The following CBFA2T2 variants were observed in gnomAD, a reference collection of about 807,000 sequenced individuals.
CBFA2T2 encodes CBFA2/RUNX1 partner transcriptional co-repressor 2, also known as protein CBFA2T2.
A neutral mutation model predicts 62.2 loss-of-function variants in CBFA2T2; 11 were observed. That is an observed-to-expected ratio of 0.18 (90% CI 0.11 to 0.29). The LOEUF is 0.29. Among genes scored for constraint, CBFA2T2 ranks in the 10% least tolerant of loss-of-function variants. CBFA2T2 has a pLI of 1.00. For synonymous variants in CBFA2T2, 295 were observed against 287.5 expected (o/e 1.03, Z -0.27); for missense variants, 592 against 774.1 (o/e 0.76, Z 2.79).
intron 1 of CBFA2T2, among the ~76,000 whole-genome samples, chr20:33,604,991 G>A (rs2122282442): frequency 6.6e-6 from 1 of 152,332 alleles, no homozygotes; most frequent in Admixed American, 6.5e-5. Flanking sequence ...AAAATGTCCT[G>A]AACAGAGAAA....
intron 1 of CBFA2T2, among the ~76,000 whole-genome samples, chr20:33,567,818 A>G (rs1000788508): frequency 2.0e-5 from 3 of 152,146 alleles, no homozygotes; most frequent in African/African-American, 7.2e-5. Flanking sequence ...GCCTGACCTC[A>G]GGTGATCTAC....
intron 10 of CBFA2T2, among the ~76,000 whole-genome samples, chr20:33,641,016 T>C (rs2016814790): frequency 1.3e-5 from 2 of 151,562 alleles, no homozygotes; most frequent in Non-Finnish European, 2.9e-5. Context: ...AGTAAGAAAG[T>C]GCAGGGTCCT....
chr20:33,521,118 A>T (rs551012191), intron 1 of CBFA2T2, among the ~76,000 whole-genome samples: 16 of 151,450 alleles, frequency 1.1e-4, no homozygotes, highest in Non-Finnish European at 1.6e-4. Context: ...GGGGGAGAAG[A>T]AAACATTTCT....
intron 1 of CBFA2T2, among the ~76,000 whole-genome samples, chr20:33,531,446 T>C (rs2012059685): frequency 6.6e-6 from 1 of 152,146 alleles, no homozygotes; most frequent in South Asian, 2.1e-4. Flanking sequence ...TGAAATGCAT[T>C]TTTGTTGGAT....
intron 1 of CBFA2T2, among the ~76,000 whole-genome samples, chr20:33,514,219 T>TG (rs1410935253): frequency 3.0e-5 from 4 of 131,462 alleles, no homozygotes; most frequent in African/African-American, 1.1e-4. Flanking sequence ...TTTTTTTTTT[T>TG]TTTTTTTTTT....
chr20:33,642,108 TTTTTTTTTTGTGTGTGTGTGTGTG>T lies in CBFA2T2; in HGVS notation c.1488+1579_1488+1602del, dbSNP rs1439398436. 3.4e-3 allele frequency among the ~76,000 whole-genome samples: 188 copies of T among 55,386 alleles called. 2 individuals carry two copies. Among genetic ancestry groups the T allele is most frequent in the African/African-American group, 7.5e-3 (155 of 20,570 alleles). 36.3% of individuals were successfully genotyped at this position (55,386 alleles called of 152,430 possible). ...TCGTTCTCTCCTCCTCCTTTGTCTTTTTTTTTTTTGTGTGTGTGTGTGTGTGTGTGTGTGTGTGTGTGTGTGTGT... is the reference window on the plus strand; with the variant it reads ...TCGTTCTCTCCTCCTCCTTTGTCTTTTGTGTGTGTGTGTGTGTGTGTGTGT... On this transcript the variant is annotated intron_variant, in intron 10 of 10. Coordinates refer to ENST00000342704, the MANE Select transcript of CBFA2T2 (RefSeq NM_001032999.3).
chr20:33,524,160 A>T (rs957871206), intron 1 of CBFA2T2, among the ~76,000 whole-genome samples: 1 of 152,038 alleles, frequency 6.6e-6, no homozygotes, highest in Non-Finnish European at 1.5e-5. Context: ...TATTAAAAGA[A>T]TTACCTTAAC....
chr20:33,531,691 G>A (rs934205311), intron 1 of CBFA2T2, among the ~76,000 whole-genome samples: 3 of 152,302 alleles, frequency 2.0e-5, no homozygotes, highest in East Asian at 1.9e-4. Flanking sequence ...CTGGGTGGGC[G>A]AGCTAAACTA....
intron 10 of CBFA2T2, among the ~76,000 whole-genome samples, chr20:33,642,095 C>T (rs1339547322): frequency 4.0e-5 from 6 of 148,294 alleles, no homozygotes; most frequent in Admixed American, 6.8e-5. Flanking sequence ...GTTCTCTCCT[C>T]CTCCTTTGTC....
chr20:33,519,465 GT>G (rs1435930766), intron 1 of CBFA2T2, among the ~76,000 whole-genome samples: 1 of 152,256 alleles, frequency 6.6e-6, no homozygotes, highest in African/African-American at 2.4e-5. Context: ...GCGAGACTCT[GT>G]CTCAGAAAAT....
chr20:33,555,465 A>G (rs2012870765), intron 1 of CBFA2T2, among the ~76,000 whole-genome samples: 1 of 152,194 alleles, frequency 6.6e-6, no homozygotes, highest in Non-Finnish European at 1.5e-5. Context: ...TGTTTTTGAT[A>G]CAGTAAAATA....
chr20:33,536,668 G>T (rs923828486), intron 1 of CBFA2T2, among the ~76,000 whole-genome samples: 1 of 151,622 alleles, frequency 6.6e-6, no homozygotes, highest in Non-Finnish European at 1.5e-5. Flanking sequence ...TGGGGCGGCC[G>T]GGCAGAGACG....
chr20:33,610,630 A>T (rs1216944883), intron 2 of CBFA2T2, among the ~76,000 whole-genome samples: 1 of 152,118 alleles, frequency 6.6e-6, no homozygotes, highest in South Asian at 2.1e-4. Flanking sequence ...AATATCCCTC[A>T]TATTATCATA....
At chr20:33,574,060 A>C in intron 1 of CBFA2T2, 1 of 1,362,004 alleles carries the variant, frequency 7.3e-7, no homozygotes, top group East Asian at 3.3e-5. Context: ...AAGTGCTGGG[A>C]TTACAGGCAA....
At chr20:33,546,063 A>G (rs1042111752) in intron 1 of CBFA2T2, among the ~76,000 whole-genome samples, 8 of 152,336 alleles carry the variant, frequency 5.3e-5, no homozygotes, top group African/African-American at 1.9e-4. Context: ...TAGACACTTA[A>G]TAATAGTTGA....
chr20:33,625,060 G>T, intron 6 of CBFA2T2, 43 bp downstream of exon 6: 2 of 1,578,544 alleles, frequency 1.3e-6, no homozygotes, highest in Non-Finnish European at 1.7e-6. Flanking sequence ...CTGGATTCTT[G>T]GATTTCTTTC....
intron 1 of CBFA2T2, among the ~76,000 whole-genome samples, chr20:33,536,006 G>T (rs1471217774): frequency 6.6e-6 from 1 of 152,204 alleles, no homozygotes; most frequent in Non-Finnish European, 1.5e-5. Flanking sequence ...CGATCAACAG[G>T]ATCCCAAGGC....
chr20:33,642,956 A>T (rs1258130699), intron 10 of CBFA2T2, among the ~76,000 whole-genome samples: 1 of 152,158 alleles, frequency 6.6e-6, no homozygotes, highest in Non-Finnish European at 1.5e-5. Context: ...GCACACCTGG[A>T]CCTATCCCTG....
intron 1 of CBFA2T2, among the ~76,000 whole-genome samples, chr20:33,518,618 A>T (rs981017293): frequency 1.3e-5 from 2 of 151,746 alleles, no homozygotes; most frequent in African/African-American, 2.4e-5. Flanking sequence ...AAAAAAAAAA[A>T]AAAATTAGCT....
Sources: allele counts gnomAD v4.1 joint callset (sites outside exome capture counted in the v4.1 genomes callset), GRCh38; gene constraint gnomAD v4.1.1; transcripts MANE v1.5; gene names NCBI Gene and HGNC (gene_info 2026-07-23, HGNC 2026-07-21).